The following RSF1 variants were observed in gnomAD, a reference collection of about 807,000 sequenced individuals.
The protein encoded by RSF1 is HBV pX-associated protein 8.
A neutral mutation model predicts 145.2 loss-of-function variants in RSF1; 13 were observed. The observed-to-expected ratio is 0.09, with a 90% confidence interval of 0.06 to 0.14. RSF1 has a LOEUF of 0.14. Among genes scored for constraint, RSF1 ranks in the 10% least tolerant of loss-of-function variants. The pLI, the probability that RSF1 is intolerant of heterozygous loss-of-function variation, is 1.00. For synonymous variants in RSF1, 577 were observed against 592.6 expected, an observed-to-expected ratio of 0.97 and a Z score of 0.38; for missense variants, 1,517 against 1,718.2, an observed-to-expected ratio of 0.88 and a Z score of 2.07.
At chr11:77,823,322 T>C (rs572500210), upstream of RSF1, among the ~76,000 whole-genome samples, 8 of 152,092 alleles carry the variant, frequency 5.3e-5, no homozygotes, top group African/African-American at 1.2e-4. Flanking sequence ...TCGGAAAATA[T>C]TGTTTTTAAG....
In RSF1 at chr11:77,760,139, C is replaced by T. The variant is rs550574479; in HGVS notation, c.279+4459G>A. ...AAAACTTGTACACAAATGTCCATAG[C>T]AGCATTATTCCTAATAGACAACAAA... On this transcript the variant is annotated intron_variant, in intron 2 of 15. Transcript: ENST00000308488. Among the ~76,000 whole-genome samples, 24 of 152,202 alleles carry T rather than the reference C, an allele frequency of 1.6e-4. 1 individual carries two copies. Among genetic ancestry groups the T allele is most frequent in the Admixed American group, 1.1e-3 (17 of 15,282 alleles).
chr11:77,798,271 T>C (rs1948592076), intron 1 of RSF1, among the ~76,000 whole-genome samples: 1 of 152,030 alleles, frequency 6.6e-6, no homozygotes, highest in Non-Finnish European at 1.5e-5. Flanking sequence ...TGTCCATCAA[T>C]GATAGGCTGG....
At chr11:77,787,793 T>C (rs971858290) in intron 1 of RSF1, among the ~76,000 whole-genome samples, 4 of 146,248 alleles carry the variant, frequency 2.7e-5, no homozygotes, top group African/African-American at 7.7e-5. Flanking sequence ...TAGTATCTAC[T>C]AAAAACTTAC....
intron 1 of RSF1, among the ~76,000 whole-genome samples, chr11:77,771,003 T>A (rs1948276918): frequency 6.6e-6 from 1 of 152,194 alleles, no homozygotes. Flanking sequence ...GCTTCTAGTA[T>A]CAGATGTCTC....
intron 4 of RSF1, chr11:77,734,704 T>C: frequency 7.0e-7 from 1 of 1,427,318 alleles, no homozygotes; most frequent in Non-Finnish European, 9.8e-7. Context: ...CACATTTTTT[T>C]CCAAATGTAA....
intron 2 of RSF1, among the ~76,000 whole-genome samples, chr11:77,761,896 T>A (rs1339325971): frequency 6.8e-6 from 1 of 146,392 alleles, no homozygotes. Context: ...AGTGGCACGA[T>A]CTTGGCTCAC....
At chr11:77,698,726 G>C (rs1960342282) in intron 6 of RSF1, 33 bp from the exon 7 acceptor site, 7 of 1,558,682 alleles carry the variant, frequency 4.5e-6, no homozygotes, top group Non-Finnish European at 6.2e-6. Context: ...GGGATAATTT[G>C]ATATAAGAAT....
chr11:77,660,105 T>C lies in RSF1; in HGVS notation c.*6812A>G, dbSNP rs1959218228. 6.6e-6 allele frequency: 1 copy of C among 152,194 alleles called. No homozygotes were observed. The highest frequency in any genetic ancestry group is 6.5e-5 in the Admixed American group (1 of 15,268). 9.4% of individuals were successfully genotyped at this position (152,194 alleles called of 1,614,324 possible). ...CATTTTGAAAGAAAAAGTTACACAA[T>C]TAGGCCAATAGCTATAAAATGGCTT... On this transcript the variant is annotated 3_prime_UTR_variant, in exon 16 of 16. Transcript: ENST00000308488.
At position 77,693,507 on chromosome 11, in the gene RSF1, A is replaced by G; in HGVS notation, c.2820T>C (p.His940=). 6.2e-7 allele frequency: 1 copy of G among 1,604,564 alleles called. No individual in the cohort carries two copies. Among genetic ancestry groups the G allele is most frequent in the East Asian group, 2.2e-5 (1 of 44,822 alleles). Residue 940 remains histidine (H), a splice_region_variant and synonymous_variant, in exon 8 of 16, where the codon CAT becomes CAC. Transcript: ENST00000308488. ...GAAAAACAAGTGGGCGGGGTCTTAC[A>G]TGTTGGCAAGGTGGGCAGAACCATT... The part of the protein sequence containing the change: ...DGEWFCPPCQ[H]KLLCEKLEEQ...
At chr11:77,770,376 A>G (rs1269779809) in intron 1 of RSF1, among the ~76,000 whole-genome samples, 1 of 152,118 alleles carries the variant, frequency 6.6e-6, no homozygotes, top group Non-Finnish European at 1.5e-5. Context: ...AATTGCTTGA[A>G]CCTGGGAGGC....
chr11:77,826,023 A>T, the RSF1 span, among the ~76,000 whole-genome samples: 2 of 152,102 alleles, frequency 1.3e-5, no homozygotes, highest in African/African-American at 2.4e-5. Flanking sequence ...GCATGAGTCT[A>T]TTCTCTGACA....
At chr11:77,863,533 C>T in the RSF1 span, among the ~76,000 whole-genome samples, 1 of 152,012 alleles carries the variant, frequency 6.6e-6, no homozygotes. Context: ...GGATTACAGG[C>T]ATGTGCCACT....
At position 77,663,165 on chromosome 11, in the gene RSF1, A is replaced by G. The variant is rs1000272149; in HGVS notation, c.*3752T>C. ...AGTTCCTAGCTTTTTCTGAATATTA[A>G]ACTTGTAGATTCATTAGGTTCTTTA... On this transcript the variant is annotated 3_prime_UTR_variant, in exon 16 of 16. Transcript: ENST00000308488. The G allele has an allele frequency of 2.0e-5, 3 of 152,126 alleles. No homozygotes were observed. The highest frequency in any genetic ancestry group is 2.9e-5 in the Non-Finnish European group (2 of 68,018). 9.4% of individuals were successfully genotyped at this position (152,126 alleles called of 1,614,324 possible). A position where few individuals can be genotyped will look rare whatever the true frequency, so the allele number is the denominator to read the frequency against.
chr11:77,733,277 T>C (rs1961253664), intron 4 of RSF1, among the ~76,000 whole-genome samples: 2 of 152,238 alleles, frequency 1.3e-5, no homozygotes, highest in African/African-American at 4.8e-5. Flanking sequence ...AGGTAATACC[T>C]CATTGTGGTT....
chr11:77,838,240 T>A, the RSF1 span, among the ~76,000 whole-genome samples: 5 of 137,218 alleles, frequency 3.6e-5, no homozygotes, highest in African/African-American at 7.5e-5. Context: ...GTTTTATGTG[T>A]CAACGTGGTA....
intron 5 of RSF1, among the ~76,000 whole-genome samples, chr11:77,709,046 T>A (rs1309571710): frequency 6.6e-6 from 1 of 152,212 alleles, no homozygotes; most frequent in African/African-American, 2.4e-5. Flanking sequence ...TAAACCCTGG[T>A]CAGTCAATCT....
chr11:77,832,951 A>ATGTGTGTGTG, the RSF1 span, among the ~76,000 whole-genome samples: 3 of 68,426 alleles, frequency 4.4e-5, no homozygotes, highest in Non-Finnish European at 7.9e-5. Flanking sequence ...GTATATATAT[A>ATGTGTGTGTG]TGTGTGTGTG....
chr11:77,823,301 A>AATTTAAT (rs1949016594), upstream of RSF1, among the ~76,000 whole-genome samples: 1 of 151,928 alleles, frequency 6.6e-6, no homozygotes, highest in Non-Finnish European at 1.5e-5. Flanking sequence ...AAGAAGTTTT[A>AATTTAAT]ATTTAATAAG....
intron 5 of RSF1, among the ~76,000 whole-genome samples, chr11:77,706,425 AG>A (rs1158786111): frequency 6.6e-6 from 1 of 151,992 alleles, no homozygotes; most frequent in African/African-American, 2.4e-5. Context: ...AGGAGCTGTG[AG>A]GATTTTTTTT....
Sources: gnomAD v4.1 joint callset for allele counts (sites outside exome capture counted in the v4.1 genomes callset) on GRCh38, gnomAD v4.1.1 for gene constraint, MANE v1.5 for transcripts, NCBI Gene and HGNC (gene_info 2026-07-23, HGNC 2026-07-21) for gene names.